The following PCDH15 variants were observed in gnomAD, a reference collection of about 807,000 sequenced individuals.
PCDH15 encodes the protein protocadherin-15.
Under a neutral mutation model 178.5 loss-of-function variants are expected in PCDH15, and 129 were observed. The observed-to-expected ratio is 0.72, with a 90% CI of 0.63 to 0.84. The LOEUF (loss-of-function observed/expected upper bound fraction) is 0.84, where lower values mean the gene tolerates loss of function less well. Among genes scored for constraint, PCDH15 ranks in the 40% least tolerant of loss-of-function variants. The pLI is 0.00. For missense variants in PCDH15, 2,230 were observed against 2,099.9 expected (o/e 1.06, Z -1.21); for synonymous variants, 800 against 732.0 (o/e 1.09, Z -1.50).
chr10:54,058,624 A>T (rs538022051), intron 18 of PCDH15, among the ~76,000 whole-genome samples: 1 of 152,062 alleles, frequency 6.6e-6, no homozygotes, highest in South Asian at 2.1e-4. Flanking sequence ...ATATCCCCAA[A>T]CCATATGGTT....
intron 2 of PCDH15, among the ~76,000 whole-genome samples, chr10:54,937,053 T>TG (rs1289637999): frequency 2.6e-5 from 4 of 151,994 alleles, no homozygotes; most frequent in African/African-American, 7.2e-5. Context: ...ACTTAATTGT[T>TG]GTGTATGTAT....
At chr10:55,056,108 G>A (rs767746070) in intron 2 of PCDH15, among the ~76,000 whole-genome samples, 24 of 151,982 alleles carry the variant, frequency 1.6e-4, no homozygotes, top group African/African-American at 4.4e-4. Flanking sequence ...TCTAAATTCC[G>A]CATACGGGTC....
At chr10:55,562,726 C>A (rs1290367055) in intron 2 of PCDH15, among the ~76,000 whole-genome samples, 2 of 151,818 alleles carry the variant, frequency 1.3e-5, no homozygotes, top group Admixed American at 1.3e-4. Flanking sequence ...AGAAATGATA[C>A]GTGTGGGGAA....
chr10:53,943,579 C>A (rs916493076), intron 23 of PCDH15, among the ~76,000 whole-genome samples: 1 of 151,850 alleles, frequency 6.6e-6, no homozygotes, highest in Non-Finnish European at 1.5e-5. Context: ...TTTTTGCTAA[C>A]CTTAACTGCA....
chr10:54,948,934 C>T (rs1838260739), intron 2 of PCDH15, among the ~76,000 whole-genome samples: 1 of 151,820 alleles, frequency 6.6e-6, no homozygotes, highest in Non-Finnish European at 1.5e-5. Flanking sequence ...ATATGTTAGC[C>T]TTGGTCTCTT....
rs149087431 is a variant in PCDH15 at position 54,218,546 on chromosome 10, C to T, written c.986-4498G>A. 5.5e-3 allele frequency among the ~76,000 whole-genome samples: 839 copies of T among 152,212 alleles called. 4 individuals are homozygous for T. The highest frequency in any genetic ancestry group is 0.017 in the Middle Eastern group (5 of 294). ...TCTATCTCTTCCCTCTCTCTCTGTC[C>T]AAGGGCACACAGAGGAAAGGCCATG... On this transcript the variant is annotated intron_variant, in intron 9 of 37. Coordinates refer to ENST00000644397, the MANE Select transcript of PCDH15 (RefSeq NM_001384140.1).
At chr10:54,392,591 A>G (rs1358725555) in intron 3 of PCDH15, among the ~76,000 whole-genome samples, 1 of 151,062 alleles carries the variant, frequency 6.6e-6, no homozygotes, top group African/African-American at 2.4e-5. Context: ...ACATAATTCT[A>G]TATTTTGCTC....
chr10:54,775,547 A>T (rs989740710), intron 1 of PCDH15, among the ~76,000 whole-genome samples: 1 of 152,228 alleles, frequency 6.6e-6, no homozygotes, highest in Non-Finnish European at 1.5e-5. Context: ...GTCATTCTAC[A>T]GTGCTATAAA....
chr10:53,829,232 G>A (rs2076881331), intron 30 of PCDH15, among the ~76,000 whole-genome samples: 1 of 151,796 alleles, frequency 6.6e-6, no homozygotes, highest in Non-Finnish European at 1.5e-5. Flanking sequence ...GTTTAATTAT[G>A]TTAATCTATA....
At chr10:54,624,227 A>G (rs1041771072) in intron 2 of PCDH15, among the ~76,000 whole-genome samples, 1 of 152,198 alleles carries the variant, frequency 6.6e-6, no homozygotes. Flanking sequence ...TCTAAATGAA[A>G]TTTGGCATAT....
chr10:54,208,036 A>C (rs2051004458), intron 10 of PCDH15, among the ~76,000 whole-genome samples: 1 of 152,056 alleles, frequency 6.6e-6, no homozygotes, highest in Admixed American at 6.6e-5. Flanking sequence ...ATGCTATGAC[A>C]TATCATGACA....
At chr10:54,443,329 G>A (rs1432759468) in intron 3 of PCDH15, among the ~76,000 whole-genome samples, 1 of 151,248 alleles carries the variant, frequency 6.6e-6, no homozygotes, top group Non-Finnish European at 1.5e-5. Context: ...TCTAAGATGA[G>A]TTCATACTCA....
chr10:54,377,757 G>A (rs1050131878), intron 4 of PCDH15, among the ~76,000 whole-genome samples: 2 of 152,002 alleles, frequency 1.3e-5, no homozygotes, highest in African/African-American at 4.8e-5. Flanking sequence ...TTTTCCCAGG[G>A]CCCAGTGCAA....
At chr10:54,395,601 TCA>T (rs1275064859) in intron 3 of PCDH15, among the ~76,000 whole-genome samples, 2 of 151,432 alleles carry the variant, frequency 1.3e-5, no homozygotes, top group Non-Finnish European at 2.9e-5. Context: ...TTGATTAAAG[TCA>T]CAGTTTCCAA....
chr10:54,677,899 T>G (rs978688568), intron 1 of PCDH15, among the ~76,000 whole-genome samples: 6 of 152,204 alleles, frequency 3.9e-5, no homozygotes, highest in African/African-American at 1.4e-4. Flanking sequence ...CATACGCATT[T>G]AGGACCACTG....
chr10:54,205,512 TG>T (rs2050710174), intron 10 of PCDH15, among the ~76,000 whole-genome samples: 1 of 151,412 alleles, frequency 6.6e-6, no homozygotes, highest in Admixed American at 6.6e-5. Flanking sequence ...TGTGTGTGTG[TG>T]TGTAAAATGT....
At chr10:54,188,852 ATG>A (rs2048708881) in intron 11 of PCDH15, among the ~76,000 whole-genome samples, 1 of 152,050 alleles carries the variant, frequency 6.6e-6, no homozygotes, top group African/African-American at 2.4e-5. Context: ...GTATAGACAT[ATG>A]TGCACATATA....
At chr10:55,480,343 C>T (rs1840153135) in intron 2 of PCDH15, among the ~76,000 whole-genome samples, 1 of 151,690 alleles carries the variant, frequency 6.6e-6, no homozygotes, top group Non-Finnish European at 1.5e-5. Flanking sequence ...CCTGATTGTG[C>T]TGGCCAGAAC....
intron 6 of PCDH15, among the ~76,000 whole-genome samples, chr10:54,330,351 A>G (rs1054069424): frequency 1.3e-5 from 2 of 151,956 alleles, no homozygotes; most frequent in African/African-American, 4.8e-5. Flanking sequence ...ACAAACCTGT[A>G]CAGCATGTCA....
Sources: gnomAD v4.1 joint callset for allele counts (sites outside exome capture counted in the v4.1 genomes callset) on GRCh38, gnomAD v4.1.1 for gene constraint, MANE v1.5 for transcripts, NCBI Gene and HGNC (gene_info 2026-07-23, HGNC 2026-07-21) for gene names.